Variants in ROBO2 observed in about 807,000 individuals in gnomAD.
ROBO2 encodes roundabout homolog 2.
ROBO2 carries 53 observed loss-of-function variants against 160.8 expected under a neutral mutation model. The observed-to-expected ratio is 0.33, with a 90% CI of 0.26 to 0.41. The LOEUF is 0.41. Among genes scored for constraint, ROBO2 ranks in the 10% least tolerant of loss-of-function variants. ROBO2 has a pLI of 1.00. For missense variants in ROBO2, 1,577 were observed against 1,722.4 expected (o/e 0.92, Z 1.49); for synonymous variants, 664 against 611.7 (o/e 1.09, Z -1.26).
chr3:77,358,074 C>T (rs1156287545), intron 2 of ROBO2, among the ~76,000 whole-genome samples: 1 of 152,124 alleles, frequency 6.6e-6, no homozygotes, highest in Non-Finnish European at 1.5e-5. Flanking sequence ...CTGTTGTAAC[C>T]AAATGCTACA....
chr3:77,296,586 G>A (rs941367192), intron 2 of ROBO2, among the ~76,000 whole-genome samples: 1 of 152,008 alleles, frequency 6.6e-6, no homozygotes, highest in African/African-American at 2.4e-5. Flanking sequence ...TAATTTAATT[G>A]TTCAGTGTAT....
chr3:77,500,817 A>G, intron 5 of ROBO2, among the ~76,000 whole-genome samples: 1 of 152,168 alleles, frequency 6.6e-6, no homozygotes, highest in East Asian at 1.9e-4. Context: ...TAGTCCTGTG[A>G]CCACATTGGC....
rs115032567 is a variant in ROBO2, at chr3:76,539,848, G to C, written c.110-558166G>C. Among the ~76,000 whole-genome samples the C allele has an allele frequency of 8.7e-3, 1,323 of 152,280 alleles. 25 individuals carry two copies. Among genetic ancestry groups the C allele is most frequent in the African/African-American group, 0.03 (1,259 of 41,546 alleles). The stretch of plus-strand genomic sequence containing the variant: ...TGATAAGAGAATACTGCTTTTCTAG[G>C]TGAGAAAAGAGGAACATTTGGTCTA... On this transcript the variant is annotated intron_variant, in intron 2 of 26. Transcript: ENST00000487694.
intron 2 of ROBO2, among the ~76,000 whole-genome samples, chr3:76,389,758 C>T (rs968422038): frequency 6.6e-6 from 1 of 152,190 alleles, no homozygotes; most frequent in Non-Finnish European, 1.5e-5. Context: ...CATCTTTCCA[C>T]TTTCCTTTGT....
intron 2 of ROBO2, among the ~76,000 whole-genome samples, chr3:76,273,809 C>A (rs1707755748): frequency 6.6e-6 from 1 of 152,244 alleles, no homozygotes; most frequent in East Asian, 1.9e-4. Flanking sequence ...AACTACAATT[C>A]AAGGTAGTAT....
intron 2 of ROBO2, among the ~76,000 whole-genome samples, chr3:77,448,897 G>A (rs2080852535): frequency 6.6e-6 from 1 of 151,980 alleles, no homozygotes; most frequent in African/African-American, 2.4e-5. Flanking sequence ...AAAATCACAT[G>A]AGAAAGTGTG....
At chr3:76,928,013 G>A (rs544764925) in intron 2 of ROBO2, among the ~76,000 whole-genome samples, 1 of 152,312 alleles carries the variant, frequency 6.6e-6, no homozygotes, top group East Asian at 1.9e-4. Flanking sequence ...AGATATTCAT[G>A]TTCTAATCCT....
At chr3:77,557,906 T>C (rs773412395) in intron 8 of ROBO2, 38 bp from the exon 10 acceptor site, 31 of 1,469,144 alleles carry the variant, frequency 2.1e-5, no homozygotes, top group Admixed American at 1.4e-4. Context: ...CTGAACTACA[T>C]TGATGTTAAA....
At chr3:75,957,705 GTT>G in intron 2 of ROBO2, among the ~76,000 whole-genome samples, 1 of 144,316 alleles carries the variant, frequency 6.9e-6, no homozygotes, top group African/African-American at 2.5e-5. Context: ...TACTAAGAGG[GTT>G]TTTTTTTTTC....
At chr3:77,584,548 A>T (rs1356899166) in intron 16 of ROBO2, among the ~76,000 whole-genome samples, 1 of 152,204 alleles carries the variant, frequency 6.6e-6, no homozygotes, top group Non-Finnish European at 1.5e-5. Context: ...ATTACAAATA[A>T]GTATTGTATA....
At chr3:77,457,849 G>A (rs1315543495) in intron 2 of ROBO2, among the ~76,000 whole-genome samples, 1 of 151,916 alleles carries the variant, frequency 6.6e-6, no homozygotes, top group Non-Finnish European at 1.5e-5. Flanking sequence ...TTAAATTAAA[G>A]TAATAATAGA....
chr3:76,512,290 T>G (rs2081132143), intron 2 of ROBO2, among the ~76,000 whole-genome samples: 4 of 145,742 alleles, frequency 2.7e-5, no homozygotes, highest in Non-Finnish European at 1.5e-5. Flanking sequence ...ATGGAATAAA[T>G]GGACTGGTTG....
intron 2 of ROBO2, among the ~76,000 whole-genome samples, chr3:77,277,211 T>TC (rs2059930303): frequency 1.7e-5 from 2 of 116,380 alleles, no homozygotes; most frequent in African/African-American, 6.2e-5. Context: ...TTTCTTTCTT[T>TC]CTTCTTTCTT....
At chr3:77,081,240 A>T (rs1407949372) in intron 1 of ROBO2, among the ~76,000 whole-genome samples, 1 of 152,238 alleles carries the variant, frequency 6.6e-6, no homozygotes, top group Non-Finnish European at 1.5e-5. Flanking sequence ...TTATATTGGG[A>T]ATTTGATTCT....
At chr3:77,007,537 T>G (rs987845388) in intron 2 of ROBO2, among the ~76,000 whole-genome samples, 14 of 152,136 alleles carry the variant, frequency 9.2e-5, no homozygotes, top group African/African-American at 3.4e-4. Flanking sequence ...CACAGTTTAC[T>G]TTTTAAACAA....
At chr3:76,756,893 A>T (rs1054724485) in intron 2 of ROBO2, among the ~76,000 whole-genome samples, 1 of 151,852 alleles carries the variant, frequency 6.6e-6, no homozygotes, top group Admixed American at 6.6e-5. Flanking sequence ...ATTTATAAAC[A>T]CCAAACACAT....
At chr3:76,073,495 G>A (rs540614730) in intron 2 of ROBO2, among the ~76,000 whole-genome samples, 214 of 151,558 alleles carry the variant, frequency 1.4e-3, no homozygotes, top group African/African-American at 5.0e-3. Flanking sequence ...GTTTCACCTT[G>A]TTAGCCAGGA....
chr3:76,099,741 T>G (rs1266519647), intron 2 of ROBO2, among the ~76,000 whole-genome samples: 1 of 152,144 alleles, frequency 6.6e-6, no homozygotes, highest in African/African-American at 2.4e-5. Flanking sequence ...TTAAAATGTT[T>G]TGGAATATGG....
intron 2 of ROBO2, among the ~76,000 whole-genome samples, chr3:76,427,364 T>C (rs965897737): frequency 1.3e-5 from 2 of 152,056 alleles, no homozygotes; most frequent in Non-Finnish European, 2.9e-5. Context: ...AGATATGATC[T>C]GGAGAGCTAT....
Sources: allele counts gnomAD v4.1 joint callset (sites outside exome capture counted in the v4.1 genomes callset), GRCh38; gene constraint gnomAD v4.1.1; transcripts MANE v1.5; gene names NCBI Gene and HGNC (gene_info 2026-07-23, HGNC 2026-07-21).